Variants in CACNA1C observed in about 807,000 individuals in gnomAD.
CACNA1C encodes the protein voltage-dependent L-type calcium channel subunit alpha-1C.
Under a neutral mutation model 229.0 loss-of-function variants are expected in CACNA1C, and 30 were observed. The ratio of observed to expected loss-of-function variants is 0.13; its 90% CI spans 0.10 to 0.18. The LOEUF is 0.18. CACNA1C is among the 10% of genes least tolerant of loss of function. The pLI is 1.00. For synonymous variants in CACNA1C, 1,114 were observed against 1,132.5 expected, an observed-to-expected ratio of 0.98 and a Z score of 0.33; for missense variants, 1,658 against 2,845.0, an observed-to-expected ratio of 0.58 and a Z score of 9.49.
chr12:2,216,673 C>T (rs1367704852), intron 3 of CACNA1C, among the ~76,000 whole-genome samples: 1 of 152,354 alleles, frequency 6.6e-6, no homozygotes, highest in East Asian at 1.9e-4. Flanking sequence ...TCCTCTGCCT[C>T]AACTCAGAGG....
intron 13 of CACNA1C, among the ~76,000 whole-genome samples, chr12:2,574,186 C>T (rs760859628): frequency 1.3e-5 from 2 of 152,194 alleles, no homozygotes; most frequent in African/African-American, 2.4e-5. Flanking sequence ...GTGGGGCACA[C>T]GCATGGCCGG....
At chr12:2,229,135 G>A (rs1326968889) in intron 3 of CACNA1C, among the ~76,000 whole-genome samples, 2 of 152,174 alleles carry the variant, frequency 1.3e-5, no homozygotes, top group African/African-American at 2.4e-5. Context: ...TGAAGAGCAC[G>A]TTGAGCTTTG....
At chr12:2,311,427 C>T (rs780361580) in intron 3 of CACNA1C, among the ~76,000 whole-genome samples, 1 of 152,184 alleles carries the variant, frequency 6.6e-6, no homozygotes, top group African/African-American at 2.4e-5. Flanking sequence ...CCAAGCAGAT[C>T]AACCAGAGGA....
chr12:2,028,824 A>T (rs1013441128), intron 1 of CACNA1C, among the ~76,000 whole-genome samples: 4 of 152,242 alleles, frequency 2.6e-5, no homozygotes, highest in Admixed American at 2.6e-4. Flanking sequence ...ACCAGTGCAT[A>T]TACAAATACT....
intron 3 of CACNA1C, among the ~76,000 whole-genome samples, chr12:2,188,443 T>C (rs759566314): frequency 6.6e-6 from 1 of 152,218 alleles, no homozygotes; most frequent in Non-Finnish European, 1.5e-5. Context: ...ATTTTGATTT[T>C]CTAGTTTTAT....
chr12:2,270,896 G>A (rs2084655242), intron 3 of CACNA1C, among the ~76,000 whole-genome samples: 1 of 152,230 alleles, frequency 6.6e-6, no homozygotes, highest in African/African-American at 2.4e-5. Flanking sequence ...TGGAGGGGCT[G>A]GATGGTGGTG....
At chr12:2,505,173 C>T (rs1270936726) in intron 8 of CACNA1C, among the ~76,000 whole-genome samples, 1 of 152,002 alleles carries the variant, frequency 6.6e-6, no homozygotes, top group Non-Finnish European at 1.5e-5. Flanking sequence ...AAAAGTGGGT[C>T]CAGCTGGCCC....
At chr12:2,551,611 G>A (rs2099903554) in intron 10 of CACNA1C, among the ~76,000 whole-genome samples, 1 of 152,188 alleles carries the variant, frequency 6.6e-6, no homozygotes, top group Non-Finnish European at 1.5e-5. Context: ...TGGGAACTGA[G>A]ATTGCGTGTG....
At chr12:2,177,146 G>A (rs187659742) in intron 3 of CACNA1C, among the ~76,000 whole-genome samples, 1 of 152,282 alleles carries the variant, frequency 6.6e-6, no homozygotes, top group East Asian at 1.9e-4. Flanking sequence ...GAGCCCTTCT[G>A]TGGATGAGCA....
intron 3 of CACNA1C, among the ~76,000 whole-genome samples, chr12:2,121,401 C>T (rs937761354): frequency 1.3e-5 from 2 of 152,210 alleles, no homozygotes; most frequent in Non-Finnish European, 2.9e-5. Flanking sequence ...TATTTTGTAA[C>T]CTTTGACATT....
chr12:2,270,824 G>T (rs2084626779), intron 3 of CACNA1C, among the ~76,000 whole-genome samples: 2 of 152,188 alleles, frequency 1.3e-5, no homozygotes, highest in Non-Finnish European at 2.9e-5. Flanking sequence ...CACCTGCGGG[G>T]AGAGCACATG....
Position 2,493,150 on chromosome 12 carries a change from C to T in CACNA1C, c.917-40C>T. The T allele has an allele frequency of 1.3e-6, 2 of 1,557,958 alleles. No homozygotes were observed. Among genetic ancestry groups the T allele is most frequent in the Non-Finnish European group, 1.8e-6 (2 of 1,130,078 alleles). Reference sequence around the variant, plus strand: ...CTTTCTCTGCCCACATCTCTCCCTCCCTGCTGCTCCCGTCTCCTGTCTTCT... The same window carrying T: ...CTTTCTCTGCCCACATCTCTCCCTCTCTGCTGCTCCCGTCTCCTGTCTTCT... On this transcript the variant is annotated intron_variant, in intron 6 of 46. Coordinates refer to ENST00000399655, the MANE Select transcript of CACNA1C (RefSeq NM_000719.7). This position sits in a 1 kb window ranked among gnomAD's most constrained non-coding sequence, Gnocchi z 4.6.
chr12:2,314,307 C>G (rs886704005), intron 3 of CACNA1C, among the ~76,000 whole-genome samples: 1 of 152,106 alleles, frequency 6.6e-6, no homozygotes, highest in African/African-American at 2.4e-5. Context: ...TTTTTTGGAG[C>G]CTTCAAAATT....
intron 3 of CACNA1C, among the ~76,000 whole-genome samples, chr12:2,198,358 A>G (rs2097481105): frequency 1.3e-5 from 2 of 152,072 alleles, no homozygotes; most frequent in African/African-American, 4.8e-5. Flanking sequence ...GGCCAGGAGA[A>G]TTCCTTGTCT....
intron 3 of CACNA1C, among the ~76,000 whole-genome samples, chr12:2,225,460 G>C (rs1259203444): frequency 2.0e-5 from 3 of 152,158 alleles, no homozygotes; most frequent in Non-Finnish European, 4.4e-5. Context: ...AAAATACATA[G>C]ATAAAATTAT....
chr12:2,013,328 G>A (rs2044756349), intron 1 of CACNA1C, among the ~76,000 whole-genome samples: 3 of 152,096 alleles, frequency 2.0e-5, no homozygotes, highest in African/African-American at 7.2e-5. Context: ...TTAGTCATTG[G>A]CCCTTGCTCC....
Position 2,653,831 on chromosome 12 carries a change from C to A in CACNA1C, c.4075-4C>A, listed in dbSNP as rs369044605. On this transcript the variant is annotated splice_polypyrimidine_tract_variant and splice_region_variant and intron_variant, in intron 32 of 46. Transcript: ENST00000399655. This position sits in a 1 kb window ranked among gnomAD's most constrained non-coding sequence, Gnocchi z 4.7. ...TCATGGGAGTCTCCTGCACTTCCTT[C>A]CAGGCCCTGCCCTATGTGGCCCTCC... is the stretch of plus-strand genomic sequence containing the variant. 57 of 1,613,612 alleles carry A rather than the reference C, an allele frequency of 3.5e-5. No homozygotes were observed. The Admixed American group carries it at 4.7e-4, about 13-fold the overall frequency.
At chr12:2,016,464 T>C (rs1262538178) in intron 1 of CACNA1C, among the ~76,000 whole-genome samples, 2 of 152,168 alleles carry the variant, frequency 1.3e-5, no homozygotes, top group Non-Finnish European at 2.9e-5. Context: ...AGTTTTACTC[T>C]TGTTGCCCAG....
chr12:2,144,179 T>C (rs1486008103), intron 3 of CACNA1C, among the ~76,000 whole-genome samples: 1 of 151,344 alleles, frequency 6.6e-6, no homozygotes, highest in Non-Finnish European at 1.5e-5. Flanking sequence ...ATTCTGACTG[T>C]AATGTGATTA....
Sources: gnomAD v4.1 joint callset for allele counts (sites outside exome capture counted in the v4.1 genomes callset) on GRCh38, gnomAD v4.1.1 for gene constraint, Gnocchi (gnomAD v3.1) non-coding constraint, MANE v1.5 for transcripts, NCBI Gene and HGNC (gene_info 2026-07-23, HGNC 2026-07-21) for gene names.